ITGA8: variants seen among roughly 807,000 people sequenced by gnomAD.
ITGA8 encodes the protein integrin subunit alpha 8, also known as integrin alpha-8.
A neutral mutation model predicts 142.3 loss-of-function variants in ITGA8; 91 were observed. The ratio of observed to expected loss-of-function variants is 0.64; its 90% CI spans 0.54 to 0.76. ITGA8 has a LOEUF of 0.76. Ranked by LOEUF, ITGA8 falls within the 30% of genes least tolerant of loss-of-function variation. The pLI is 0.00. For synonymous variants in ITGA8, 505 were observed against 485.2 expected, an observed-to-expected ratio of 1.04 and a Z score of -0.54; for missense variants, 1,406 against 1,327.7, an observed-to-expected ratio of 1.06 and a Z score of -0.92.
chr10:15,605,938 A>G, intron 18 of ITGA8, 147 bp from the exon 19 acceptor site: 1 of 685,802 alleles, frequency 1.5e-6, no homozygotes, highest in Non-Finnish European at 2.6e-6. Context: ...CCTACATTTC[A>G]CAGTGACCTC....
At chr10:15,699,812 C>T (rs1444221699) in intron 2 of ITGA8, among the ~76,000 whole-genome samples, 1 of 152,146 alleles carries the variant, frequency 6.6e-6, no homozygotes, top group Admixed American at 6.5e-5. Flanking sequence ...GGATTCTCAA[C>T]TTTTGTTATT....
chr10:15,719,011 A>T lies in ITGA8; in HGVS notation c.210-112T>A. On this transcript the variant is annotated intron_variant, in intron 1 of 29. Coordinates refer to ENST00000378076, the MANE Select transcript of ITGA8 (RefSeq NM_003638.3). ...CACTGGGGCAGGCGTGGAGGGCATGAACGTATTTATGATGAGGACCGACTG... is the reference window on the plus strand; with the variant it reads ...CACTGGGGCAGGCGTGGAGGGCATGTACGTATTTATGATGAGGACCGACTG... The T allele has an allele frequency of 2.0e-6, 3 of 1,494,122 alleles. No homozygotes were observed. In the Admixed American group the frequency reaches 5.8e-5, roughly 29 times the overall value. 92.6% of individuals were successfully genotyped at this position (1,494,122 alleles called of 1,614,324 possible).
chr10:15,651,646 A>G (rs1470571190), intron 11 of ITGA8, among the ~76,000 whole-genome samples: 1 of 151,956 alleles, frequency 6.6e-6, no homozygotes, highest in Non-Finnish European at 1.5e-5. Context: ...AGCCTTGTGT[A>G]CAAATGTACT....
chr10:15,527,895 T>A (rs925933428), intron 28 of ITGA8, among the ~76,000 whole-genome samples: 5 of 148,278 alleles, frequency 3.4e-5, no homozygotes, highest in Non-Finnish European at 6.0e-5. Context: ...AGCAATTCCC[T>A]TTCGGCTGGG....
intron 11 of ITGA8, among the ~76,000 whole-genome samples, chr10:15,652,242 G>T (rs985853170): frequency 2.6e-5 from 4 of 152,134 alleles, no homozygotes; most frequent in Admixed American, 1.3e-4. Context: ...CTATAGACTA[G>T]AATGCGCATG....
chr10:15,573,557 G>A (rs1038583377), intron 24 of ITGA8, among the ~76,000 whole-genome samples: 10 of 152,100 alleles, frequency 6.6e-5, no homozygotes, highest in Non-Finnish European at 1.5e-4. Flanking sequence ...CAGGTTGGGC[G>A]GATGATGGAG....
chr10:15,597,042 CTG>C (rs1833021986), intron 21 of ITGA8, 163 bp downstream of exon 21: 2 of 615,602 alleles, frequency 3.2e-6, no homozygotes, highest in Admixed American at 2.8e-5. Context: ...ACGATTCACT[CTG>C]TGTAGGTTAT....
At chr10:15,665,191 T>G (rs540226877) in intron 8 of ITGA8, among the ~76,000 whole-genome samples, 1 of 152,210 alleles carries the variant, frequency 6.6e-6, no homozygotes, top group Non-Finnish European at 1.5e-5. Context: ...TTTCCTGACT[T>G]GTTAATGATC....
At chr10:15,538,381 G>A (rs1449937137) in intron 27 of ITGA8, among the ~76,000 whole-genome samples, 3 of 151,862 alleles carry the variant, frequency 2.0e-5, no homozygotes, top group Non-Finnish European at 4.4e-5. Context: ...GCATGATGGC[G>A]GGTGCCTGTA....
At chr10:15,625,158 C>T (rs1833558903) in intron 13 of ITGA8, among the ~76,000 whole-genome samples, 1 of 151,906 alleles carries the variant, frequency 6.6e-6, no homozygotes, top group South Asian at 2.1e-4. Flanking sequence ...CAAATGAACT[C>T]TGAAGAAAAA....
chr10:15,585,962 AAT>A (rs1460610069), intron 23 of ITGA8, among the ~76,000 whole-genome samples: 8 of 152,094 alleles, frequency 5.3e-5, no homozygotes, highest in African/African-American at 1.9e-4. Flanking sequence ...TTTTTCAGGG[AAT>A]CACATGGTTG....
chr10:15,688,478 TAAAAG>T (rs1202124192), intron 2 of ITGA8, among the ~76,000 whole-genome samples: 5 of 151,188 alleles, frequency 3.3e-5, no homozygotes, highest in Non-Finnish European at 7.4e-5. Context: ...CTCAAAAAAA[TAAAAG>T]AGAAGGAAAT....
chr10:15,568,222 C>A (rs1189221561), intron 25 of ITGA8, among the ~76,000 whole-genome samples: 1 of 152,156 alleles, frequency 6.6e-6, no homozygotes, highest in Non-Finnish European at 1.5e-5. Context: ...TGCTCCTGGT[C>A]CAAGACAAAT....
In ITGA8 at chr10:15,544,968, C is replaced by T. The variant is rs146995006; in HGVS notation, c.2880+3487G>A. Among the ~76,000 whole-genome samples, 6 of 152,296 alleles carry T rather than the reference C, an allele frequency of 3.9e-5. No individual in the cohort carries two copies. In the East Asian group the frequency reaches 1.2e-3, roughly 29 times the overall value. The stretch of plus-strand genomic sequence containing the variant: ...ATGTTGTGAACAGAGCCTCCAGCCC[C>T]TCAAGCCTTCAGATGACTACAGCCC... On this transcript the variant is annotated intron_variant, in intron 27 of 29. Coordinates refer to ENST00000378076, the MANE Select transcript of ITGA8 (RefSeq NM_003638.3).
chr10:15,671,959 G>A (rs1564402291), intron 7 of ITGA8, among the ~76,000 whole-genome samples: 1 of 151,278 alleles, frequency 6.6e-6, no homozygotes, highest in Non-Finnish European at 1.5e-5. Flanking sequence ...CACCTTGAGA[G>A]TAAATGGTGG....
intron 4 of ITGA8, among the ~76,000 whole-genome samples, chr10:15,682,745 G>C (rs1834760421): frequency 6.6e-6 from 1 of 151,700 alleles, no homozygotes; most frequent in African/African-American, 2.4e-5. Flanking sequence ...CAGCTACTTG[G>C]CAGGCTGAGG....
In ITGA8 at chr10:15,572,226, A is replaced by G. The variant is rs1448666032; in HGVS notation, c.2622T>C (p.Asn874=). 1.2e-6 allele frequency: 2 copies of G among 1,613,514 alleles called. No homozygotes were observed. Among genetic ancestry groups the G allele is most frequent in the Non-Finnish European group, 1.7e-6 (2 of 1,179,694 alleles). Residue 874 remains asparagine (N), a synonymous_variant, in exon 25 of 30, where the codon AAT becomes AAC. Transcript: ENST00000378076. ...AGACTCCTACCTTTATATCCTGTGGATTGATATTAGGATTTGGTTGGCACT... is the reference window on the plus strand; with the variant it reads ...AGACTCCTACCTTTATATCCTGTGGGTTGATATTAGGATTTGGTTGGCACT... ...PLQCQPNPNI[N]PQDIKPAASP...
intron 13 of ITGA8, among the ~76,000 whole-genome samples, chr10:15,632,752 T>G (rs1171048839): frequency 6.6e-6 from 1 of 152,134 alleles, no homozygotes; most frequent in Non-Finnish European, 1.5e-5. Flanking sequence ...CCTGAGGAGC[T>G]GGTTGTTAAC....
At chr10:15,689,777 C>T (rs969285296) in intron 2 of ITGA8, among the ~76,000 whole-genome samples, 1 of 152,218 alleles carries the variant, frequency 6.6e-6, no homozygotes, top group Non-Finnish European at 1.5e-5. Context: ...GTGCACCAAT[C>T]CCCAGCCAAC....
Sources: gnomAD v4.1 joint callset for allele counts (sites outside exome capture counted in the v4.1 genomes callset) on GRCh38, gnomAD v4.1.1 for gene constraint, MANE v1.5 for transcripts, NCBI Gene and HGNC (gene_info 2026-07-23, HGNC 2026-07-21) for gene names.